The following MEI1 variants were observed in gnomAD, a reference collection of about 807,000 sequenced individuals.
The protein encoded by MEI1 is meiosis inhibitor protein 1.
A neutral mutation model predicts 146.2 loss-of-function variants in MEI1; 103 were observed. The observed-to-expected ratio is 0.70, with a 90% CI of 0.60 to 0.83. MEI1 has a LOEUF of 0.83. MEI1 is among the 40% of genes least tolerant of loss of function. MEI1 has a pLI of 0.00. For synonymous variants in MEI1, 652 were observed against 628.2 expected (o/e 1.04, Z -0.57); for missense variants, 1,529 against 1,533.0 (o/e 1.00, Z 0.04).
intron 3 of MEI1, among the ~76,000 whole-genome samples, chr22:41,712,229 T>TTTTTG (rs1555919871): frequency 7.3e-5 from 6 of 81,756 alleles, no homozygotes; most frequent in African/African-American, 3.6e-4. Flanking sequence ...ATTGTGTTTT[T>TTTTTG]TTTGTTTGTT....
At chr22:41,718,372 G>A in intron 6 of MEI1, 98 bp downstream of exon 6, 4 of 1,204,088 alleles carry the variant, frequency 3.3e-6, no homozygotes, top group Non-Finnish European at 3.5e-6. Context: ...GAAGTTTGCT[G>A]TTTTGCAAAA....
At chr22:41,772,709 T>G (rs1483284756) in intron 20 of MEI1, among the ~76,000 whole-genome samples, 1 of 152,196 alleles carries the variant, frequency 6.6e-6, no homozygotes, top group Admixed American at 6.5e-5. Flanking sequence ...AAAACCCAGA[T>G]TTGACTCCCT....
intron 7 of MEI1, among the ~76,000 whole-genome samples, chr22:41,727,107 A>G (rs2071423900): frequency 6.6e-6 from 1 of 152,002 alleles, no homozygotes; most frequent in Admixed American, 6.6e-5. Flanking sequence ...TCTGACAAGT[A>G]GGAAGGCTGT....
chr22:41,774,747 G>T (rs1022397037), intron 20 of MEI1, among the ~76,000 whole-genome samples: 4 of 152,176 alleles, frequency 2.6e-5, no homozygotes, highest in Non-Finnish European at 5.9e-5. Context: ...TATTGTAGAG[G>T]TATAAATAAT....
At chr22:41,726,390 A>C (rs985892312) in intron 7 of MEI1, among the ~76,000 whole-genome samples, 26 of 152,360 alleles carry the variant, frequency 1.7e-4, no homozygotes, top group African/African-American at 4.6e-4. Flanking sequence ...ACTTAAAAGC[A>C]GTAACTTAAA....
At chr22:41,762,102 A>G (rs1254957098) in intron 18 of MEI1, among the ~76,000 whole-genome samples, 1 of 152,134 alleles carries the variant, frequency 6.6e-6, no homozygotes, top group Non-Finnish European at 1.5e-5. Flanking sequence ...ATGTGTGTAC[A>G]TGTATTTGTT....
At chr22:41,760,562 C>G (rs995541315) in intron 18 of MEI1, among the ~76,000 whole-genome samples, 1 of 152,036 alleles carries the variant, frequency 6.6e-6, no homozygotes, top group Non-Finnish European at 1.5e-5. Flanking sequence ...TGTAGTAGGA[C>G]GAGCCGTAGA....
chr22:41,736,389 A>G (rs2072371728), intron 11 of MEI1, among the ~76,000 whole-genome samples: 1 of 151,450 alleles, frequency 6.6e-6, no homozygotes, highest in East Asian at 1.9e-4. Context: ...GGCTGGGACT[A>G]CAGGTGCCTG....
At chr22:41,776,340 G>A in intron 21 of MEI1, 73 bp downstream of exon 21, 2 of 1,515,732 alleles carry the variant, frequency 1.3e-6, no homozygotes, top group Non-Finnish European at 1.8e-6. Flanking sequence ...ACCCTTGTTA[G>A]GTCTGCTCCA....
At chr22:41,711,738 A>T (rs1463351359) in intron 3 of MEI1, among the ~76,000 whole-genome samples, 1 of 152,034 alleles carries the variant, frequency 6.6e-6, no homozygotes, top group African/African-American at 2.4e-5. Context: ...TTCCAACCTT[A>T]CCAAATCTCT....
chr22:41,724,446 C>T (rs1177307147), intron 7 of MEI1, among the ~76,000 whole-genome samples: 1 of 152,080 alleles, frequency 6.6e-6, no homozygotes, highest in Non-Finnish European at 1.5e-5. Context: ...AGTGAAACCC[C>T]ATCTCTACTA....
intron 15 of MEI1, among the ~76,000 whole-genome samples, chr22:41,750,755 T>G (rs2073693103): frequency 6.6e-6 from 1 of 152,200 alleles, no homozygotes; most frequent in South Asian, 2.1e-4. Flanking sequence ...CAAATTAATT[T>G]TCTTATCTCC....
At chr22:41,708,524 C>A (rs1398110225) in intron 3 of MEI1, among the ~76,000 whole-genome samples, 1 of 152,060 alleles carries the variant, frequency 6.6e-6, no homozygotes, top group Non-Finnish European at 1.5e-5. Context: ...CAACAACTTT[C>A]AAACTCCCGT....
intron 22 of MEI1, among the ~76,000 whole-genome samples, chr22:41,780,478 C>G (rs2075695209): frequency 6.6e-6 from 1 of 151,924 alleles, no homozygotes; most frequent in Admixed American, 6.6e-5. Context: ...TAATGTTGCA[C>G]TGATGAGGCC....
chr22:41,747,736 C>CCAAAAAA (rs1569240908), intron 14 of MEI1, among the ~76,000 whole-genome samples: 30 of 133,148 alleles, frequency 2.3e-4, no homozygotes, highest in Non-Finnish European at 2.7e-4. Flanking sequence ...CCCACCCCCC[C>CCAAAAAA]AAAAAAAACA....
intron 11 of MEI1, among the ~76,000 whole-genome samples, chr22:41,741,612 C>A (rs143913452): frequency 2.8e-4 from 42 of 152,346 alleles, no homozygotes; most frequent in Middle Eastern, 6.8e-3. Flanking sequence ...TGCGTATAGT[C>A]TCATAGAATG....
chr22:41,763,351 C>G (rs757820369), intron 19 of MEI1, 30 bp downstream of exon 19: 131 of 1,608,702 alleles, frequency 8.1e-5, no homozygotes, highest in Non-Finnish European at 1.1e-4. Flanking sequence ...GGCTCCTTGT[C>G]CTTCTGTACC....
rs745617502 is a variant in MEI1, at chr22:41,718,107, A to G, written c.566A>G (p.Tyr189Cys). Reference sequence around the variant, plus strand: ...GAGCATCTGTTGAGAGGCTTAGTATACCCCAGTGAGGGCATACAAGCTTCT... The same window carrying G: ...GAGCATCTGTTGAGAGGCTTAGTATGCCCCAGTGAGGGCATACAAGCTTCT... ...LMEHLLRGLV[Y>C]PSEGIQASVC... is the part of the protein sequence containing the mutation. Residue 189 changes from tyrosine to cysteine, a missense_variant, in exon 6 of 31, where the codon TAC (tyrosine) becomes TGC (cysteine). Transcript: ENST00000401548. 11 of 1,613,072 alleles carry G rather than the reference A, an allele frequency of 6.8e-6. No homozygotes were observed. The South Asian group carries it at 9.9e-5, about 15-fold the overall frequency.
intron 18 of MEI1, among the ~76,000 whole-genome samples, chr22:41,762,550 A>T (rs6002466): frequency 0.78 from 105,863 of 135,242 alleles, 40,906 homozygotes; most frequent in East Asian, 0.94. Context: ...AATTTAACTG[A>T]TTTTTTTTTT....
Sources: gnomAD v4.1 joint callset for allele counts (sites outside exome capture counted in the v4.1 genomes callset) on GRCh38, gnomAD v4.1.1 for gene constraint, MANE v1.5 for transcripts, NCBI Gene and HGNC (gene_info 2026-07-23, HGNC 2026-07-21) for gene names.